PCDHA6: variants seen among roughly 807,000 people sequenced by gnomAD.
PCDHA6 encodes protocadherin alpha 6, also known as protocadherin alpha-6.
A neutral mutation model predicts 60.3 loss-of-function variants in PCDHA6; 55 were observed. That is an observed-to-expected ratio of 0.91 (90% CI 0.73 to 1.14). PCDHA6 has a LOEUF of 1.14. Ranked by LOEUF, PCDHA6 falls within the 50% of genes most tolerant of loss-of-function variation. The pLI, the probability that PCDHA6 is intolerant of heterozygous loss-of-function variation, is 0.00. For missense variants in PCDHA6, 1,327 were observed against 1,256.5 expected, an observed-to-expected ratio of 1.06 and a Z score of -0.85; for synonymous variants, 652 against 557.9, an observed-to-expected ratio of 1.17 and a Z score of -2.38.
At chr5:140,864,105 T>C (rs1413292385) in intron 1 of PCDHA6, 1 of 152,314 alleles carries the variant, frequency 6.6e-6, no homozygotes, top group Non-Finnish European at 1.5e-5. Flanking sequence ...ATAATGATAA[T>C]AGTAATAATG....
intron 1 of PCDHA6, chr5:140,871,628 T>C: frequency 7.1e-7 from 1 of 1,401,496 alleles, no homozygotes; most frequent in South Asian, 1.5e-5. Flanking sequence ...GATAACAATG[T>C]CTGTTCATAA....
Position 141,011,633 on chromosome 5 carries a change from G to C in PCDHA6, c.*1696G>C, listed in dbSNP as rs988824031. On this transcript the variant is annotated 3_prime_UTR_variant, in exon 4 of 4. Coordinates refer to ENST00000529310, the MANE Select transcript of PCDHA6 (RefSeq NM_018909.4). ...TTATGGTCCAGCCAAGAGCCATCTC[G>C]TGCCAAGACTTCTGCTGGCAAGGGA... 6.5e-6 allele frequency: 1 copy of C among 153,624 alleles called. No homozygotes were observed. Among genetic ancestry groups the C allele is most frequent in the Non-Finnish European group, 1.5e-5 (1 of 68,022 alleles). 9.5% of individuals were successfully genotyped at this position (153,624 alleles called of 1,614,324 possible). A position where few individuals can be genotyped will look rare whatever the true frequency, so the allele number is the denominator to read the frequency against.
chr5:140,977,640 G>A (rs2096769670), intron 1 of PCDHA6, among the ~76,000 whole-genome samples: 1 of 152,124 alleles, frequency 6.6e-6, no homozygotes, highest in South Asian at 2.1e-4. Flanking sequence ...CTTTTTCTGG[G>A]CCTTGACTTT....
intron 1 of PCDHA6, among the ~76,000 whole-genome samples, chr5:140,905,708 C>T (rs1372981287): frequency 1.1e-4 from 16 of 152,092 alleles, no homozygotes; most frequent in Non-Finnish European, 1.6e-4. Context: ...TTATGATTTC[C>T]TTCAGCAGTG....
chr5:140,936,941 T>C (rs547536853), intron 1 of PCDHA6, among the ~76,000 whole-genome samples: 14 of 152,342 alleles, frequency 9.2e-5, no homozygotes, highest in Non-Finnish European at 1.3e-4. Flanking sequence ...GAAAATATCT[T>C]ATTTTGATCT....
At chr5:140,964,378 T>A (rs182628269) in intron 1 of PCDHA6, among the ~76,000 whole-genome samples, 1 of 151,270 alleles carries the variant, frequency 6.6e-6, no homozygotes, top group Non-Finnish European at 1.5e-5. Context: ...GAAAGGAGAG[T>A]CCTGGTTTTT....
chr5:140,942,669 A>G (rs2093352340), intron 1 of PCDHA6, among the ~76,000 whole-genome samples: 1 of 152,212 alleles, frequency 6.6e-6, no homozygotes, highest in South Asian at 2.1e-4. Flanking sequence ...AATAAGCACA[A>G]AAGTTTTAGG....
chr5:140,898,653 G>A (rs1321472129), intron 1 of PCDHA6, among the ~76,000 whole-genome samples: 1 of 152,202 alleles, frequency 6.6e-6, no homozygotes, highest in Non-Finnish European at 1.5e-5. Context: ...TTTTGGCTTA[G>A]GATTGACTTG....
intron 1 of PCDHA6, chr5:140,968,357 C>T: frequency 6.2e-7 from 1 of 1,614,080 alleles, no homozygotes; most frequent in Non-Finnish European, 8.5e-7. Context: ...CAGTGGCAGC[C>T]TTTATGCTGT....
At chr5:140,832,454 T>G (rs193078566) in intron 1 of PCDHA6, among the ~76,000 whole-genome samples, 1 of 152,214 alleles carries the variant, frequency 6.6e-6, no homozygotes, top group African/African-American at 2.4e-5. Flanking sequence ...TAATTAATAT[T>G]GCACTAAAAT....
At chr5:140,850,939 G>T in intron 1 of PCDHA6, 1 of 1,506,026 alleles carries the variant, frequency 6.6e-7, no homozygotes, top group Non-Finnish European at 8.9e-7. Context: ...TTTCTTGAAA[G>T]ATATTATCGA....
Position 140,856,069 on chromosome 5 carries a change from C to A in PCDHA6, c.2394+25584C>A, listed in dbSNP as rs149846721. ...ATAAGATGGTTTCCAGATGTAGCTG[C>A]CTGGGGGTCCAGTGTCTGCTGCTCT... On this transcript the variant is annotated intron_variant, in intron 1 of 3. Coordinates refer to ENST00000529310, the MANE Select transcript of PCDHA6 (RefSeq NM_018909.4). 5 of 1,591,600 alleles carry A rather than the reference C, an allele frequency of 3.1e-6. 1 individual carries two copies. Among genetic ancestry groups the A allele is most frequent in the Non-Finnish European group, 4.3e-6 (5 of 1,163,516 alleles).
At chr5:140,851,805 T>A (rs2042164036) in intron 1 of PCDHA6, 1 of 945,532 alleles carries the variant, frequency 1.1e-6, no homozygotes. Flanking sequence ...CTGTCAGTAA[T>A]CCATAAGACA....
At chr5:140,931,183 T>C (rs1225985669) in intron 1 of PCDHA6, among the ~76,000 whole-genome samples, 2 of 152,158 alleles carry the variant, frequency 1.3e-5, no homozygotes, top group Non-Finnish European at 2.9e-5. Context: ...GGGAAGGAAA[T>C]TGGTGCACTA....
intron 1 of PCDHA6, chr5:140,875,321 TC>T: frequency 1.4e-6 from 2 of 1,427,980 alleles, no homozygotes; most frequent in Non-Finnish European, 1.8e-6. Context: ...TTCCAATCAT[TC>T]ACGGAATAGG....
At chr5:140,991,180 C>T (rs2097436577) in intron 3 of PCDHA6, among the ~76,000 whole-genome samples, 1 of 152,160 alleles carries the variant, frequency 6.6e-6, no homozygotes. Context: ...AAGCAGGATG[C>T]CTAGCACACA....
intron 3 of PCDHA6, among the ~76,000 whole-genome samples, chr5:140,990,384 T>A (rs2097391380): frequency 6.6e-6 from 1 of 152,186 alleles, no homozygotes; most frequent in Non-Finnish European, 1.5e-5. Context: ...TTGTTGGTGA[T>A]GTTCCAAGAA....
intron 1 of PCDHA6, among the ~76,000 whole-genome samples, chr5:140,898,193 A>G (rs1352716396): frequency 1.7e-4 from 26 of 152,114 alleles, no homozygotes; most frequent in African/African-American, 5.3e-4. Flanking sequence ...CTTTAGTTTA[A>G]TTAGATCCCA....
chr5:140,853,963 A>G (rs1458848768), intron 1 of PCDHA6: 2 of 685,274 alleles, frequency 2.9e-6, no homozygotes, highest in African/African-American at 2.0e-5. Flanking sequence ...CCTTGAGCCC[A>G]GCAGTTTGAG....
Sources: allele counts gnomAD v4.1 joint callset (sites outside exome capture counted in the v4.1 genomes callset), GRCh38; gene constraint gnomAD v4.1.1; transcripts MANE v1.5; gene names NCBI Gene and HGNC (gene_info 2026-07-23, HGNC 2026-07-21).